Variants in GRAMD1C observed in about 807,000 individuals in gnomAD.
GRAMD1C encodes protein Aster-C.
GRAMD1C carries 89 observed loss-of-function variants against 97.8 expected under a neutral mutation model. That is an observed-to-expected ratio of 0.91 (90% CI 0.77 to 1.09). The LOEUF is 1.09. Among genes scored for constraint, GRAMD1C ranks in the 50% least tolerant of loss-of-function variants. GRAMD1C has a pLI of 0.00. For missense variants in GRAMD1C, 740 were observed against 766.4 expected, an observed-to-expected ratio of 0.97 and a Z score of 0.41; for synonymous variants, 256 against 267.0, an observed-to-expected ratio of 0.96 and a Z score of 0.40.
intron 9 of GRAMD1C, among the ~76,000 whole-genome samples, chr3:113,914,685 T>C (rs1936737195): frequency 6.6e-6 from 1 of 152,150 alleles, no homozygotes; most frequent in Non-Finnish European, 1.5e-5. Context: ...CCTTGGTTTT[T>C]TTTTTTTCTT....
intron 16 of GRAMD1C, 120 bp downstream of exon 16, chr3:113,940,116 G>A: frequency 1.2e-6 from 1 of 846,486 alleles, no homozygotes; most frequent in East Asian, 2.4e-5. Flanking sequence ...GCCATAAACA[G>A]CCTGTTTTTG....
rs1447567395 is a variant in GRAMD1C at position 113,845,656 on chromosome 3, G to A, written c.174+1007G>A. Reference sequence around the variant, plus strand: ...GGAAGTTGAGGCTGCATTGAGCCATGATCGTGCCACTGCCCTCCAGCCTGG... The same window carrying A: ...GGAAGTTGAGGCTGCATTGAGCCATAATCGTGCCACTGCCCTCCAGCCTGG... On this transcript the variant is annotated intron_variant, in intron 2 of 17. Coordinates refer to ENST00000358160, the MANE Select transcript of GRAMD1C (RefSeq NM_017577.5). 2.0e-5 allele frequency among the ~76,000 whole-genome samples: 3 copies of A among 152,264 alleles called. No homozygotes were observed. The South Asian group carries it at 6.2e-4, about 32-fold the overall frequency.
intron 2 of GRAMD1C, among the ~76,000 whole-genome samples, chr3:113,867,624 C>T (rs1255396935): frequency 2.0e-5 from 3 of 152,110 alleles, no homozygotes; most frequent in African/African-American, 7.2e-5. Context: ...TCTTGTAAAG[C>T]AGGTCTGTTC....
rs1276418992 is a variant in GRAMD1C at position 113,945,421 on chromosome 3, T to G, written c.1932T>G (p.Leu644=). The G allele has an allele frequency of 6.3e-7, 1 of 1,595,026 alleles. No individual in the cohort carries two copies. The highest frequency in any genetic ancestry group is 8.6e-7 in the Non-Finnish European group (1 of 1,163,554). Residue 644 remains leucine, a synonymous_variant, in exon 18 of 18, where the codon CTT becomes CTG. Coordinates refer to ENST00000358160, the MANE Select transcript of GRAMD1C (RefSeq NM_017577.5). ...LEQLKSSLIM[L]QKTFDLLNKN... is the part of the protein sequence containing the mutation. ...AGCTGAAGAGCTCACTCATTATGCT[T>G]CAGAAAACGTTTGATCTACTAAATA...
chr3:113,927,995 T>C (rs1031116891), intron 10 of GRAMD1C, among the ~76,000 whole-genome samples: 25 of 152,184 alleles, frequency 1.6e-4, no homozygotes, highest in African/African-American at 5.5e-4. Context: ...AGTTTAGAAG[T>C]GTGGGGGTAG....
chr3:113,897,296 G>A, intron 6 of GRAMD1C, among the ~76,000 whole-genome samples: 1 of 152,166 alleles, frequency 6.6e-6, no homozygotes, highest in Non-Finnish European at 1.5e-5. Flanking sequence ...TAATTTTAAA[G>A]ATGAGATTAA....
chr3:113,840,578 C>G (rs998295299), intron 1 of GRAMD1C, among the ~76,000 whole-genome samples: 6 of 150,338 alleles, frequency 4.0e-5, no homozygotes, highest in African/African-American at 1.5e-4. Flanking sequence ...CTGTATCTAC[C>G]AAAATAAAAA....
At chr3:113,897,436 C>A in intron 6 of GRAMD1C, 1 of 556,064 alleles carries the variant, frequency 1.8e-6, no homozygotes, top group Non-Finnish European at 2.3e-6. Flanking sequence ...AACCTGTTTA[C>A]CTATCTTCTT....
intron 10 of GRAMD1C, chr3:113,920,203 T>A: frequency 7.9e-7 from 1 of 1,269,418 alleles, no homozygotes; most frequent in Non-Finnish European, 1.1e-6. Context: ...AAATGTGAAC[T>A]GAATAGGAGA....
At chr3:113,920,413 C>T (rs1453923822) in intron 10 of GRAMD1C, among the ~76,000 whole-genome samples, 7 of 152,208 alleles carry the variant, frequency 4.6e-5, no homozygotes, top group Non-Finnish European at 1.0e-4. Context: ...CTTTGAAACA[C>T]TGGAACTTTC....
chr3:113,899,030 A>T (rs547723453), intron 6 of GRAMD1C, among the ~76,000 whole-genome samples: 1 of 152,210 alleles, frequency 6.6e-6, no homozygotes, highest in East Asian at 1.9e-4. Flanking sequence ...GACAGAGAAG[A>T]AAAAAGGAGG....
intron 9 of GRAMD1C, chr3:113,913,067 CT>C: frequency 8.2e-7 from 1 of 1,222,188 alleles, no homozygotes; most frequent in Non-Finnish European, 1.1e-6. Flanking sequence ...ACCATTCTTG[CT>C]TTAGTATGCA....
intron 3 of GRAMD1C, among the ~76,000 whole-genome samples, chr3:113,871,129 T>C (rs1306049357): frequency 6.6e-6 from 1 of 152,120 alleles, no homozygotes; most frequent in Admixed American, 6.6e-5. Context: ...GTTCAATATA[T>C]ATTTACCTCC....
chr3:113,881,989 T>C (rs1423579979), intron 5 of GRAMD1C, among the ~76,000 whole-genome samples: 1 of 152,182 alleles, frequency 6.6e-6, no homozygotes, highest in African/African-American at 2.4e-5. Flanking sequence ...TAATCCAGCA[T>C]AGAACTGAGC....
chr3:113,899,803 G>T (rs1193978017), intron 6 of GRAMD1C, among the ~76,000 whole-genome samples: 1 of 152,064 alleles, frequency 6.6e-6, no homozygotes, highest in East Asian at 1.9e-4. Context: ...TGTATTTGAT[G>T]ATTTAAAAAT....
chr3:113,912,489 A>G (rs755938502), intron 9 of GRAMD1C, among the ~76,000 whole-genome samples: 1 of 152,144 alleles, frequency 6.6e-6, no homozygotes, highest in Non-Finnish European at 1.5e-5. Flanking sequence ...CATGCCCGTA[A>G]TCCCAGTACT....
Position 113,901,106 on chromosome 3 carries a change from A to G in GRAMD1C, c.616A>G (p.Met206Val), listed in dbSNP as rs1559803285. 1.2e-6 allele frequency: 2 copies of G among 1,609,482 alleles called. No homozygotes were observed. Among genetic ancestry groups the G allele is most frequent in the Non-Finnish European group, 1.7e-6 (2 of 1,175,964 alleles). Residue 206 changes from methionine to valine, a missense_variant, in exon 7 of 18, where the codon ATG (methionine) becomes GTG (valine). Coordinates refer to ENST00000358160, the MANE Select transcript of GRAMD1C (RefSeq NM_017577.5). Reference sequence around the variant, plus strand: ...TGAGCTAGGTTTAAATGCTGAGGAGATGGAAAACTTGTCACTGTCGATTGA... The same window carrying G: ...TGAGCTAGGTTTAAATGCTGAGGAGGTGGAAAACTTGTCACTGTCGATTGA... Reference protein sequence around the residue: ...GTELGLNAEEMENLSLSIEDV... With the variant: ...GTELGLNAEEVENLSLSIEDV...
intron 5 of GRAMD1C, among the ~76,000 whole-genome samples, chr3:113,877,217 C>T (rs1935082776): frequency 6.6e-6 from 1 of 152,186 alleles, no homozygotes; most frequent in South Asian, 2.1e-4. Flanking sequence ...TTTGCTCCTG[C>T]ACTAATTGAG....
intron 17 of GRAMD1C, among the ~76,000 whole-genome samples, chr3:113,940,632 C>T (rs1175124879): frequency 2.7e-5 from 4 of 146,582 alleles, no homozygotes; most frequent in African/African-American, 4.9e-5. Context: ...GTGTATACAT[C>T]TACTTCATTT....
Sources: gnomAD v4.1 joint callset for allele counts (sites outside exome capture counted in the v4.1 genomes callset) on GRCh38, gnomAD v4.1.1 for gene constraint, MANE v1.5 for transcripts, NCBI Gene and HGNC (gene_info 2026-07-23, HGNC 2026-07-21) for gene names.